PTPRU: variants seen among roughly 807,000 people sequenced by gnomAD.
PTPRU encodes the protein protein tyrosine phosphatase receptor type U.
A neutral mutation model predicts 166.3 loss-of-function variants in PTPRU; 69 were observed. That is an observed-to-expected ratio of 0.41 (90% confidence interval 0.34 to 0.51). The LOEUF (loss-of-function observed/expected upper bound fraction) is 0.51. PTPRU is among the 20% of genes least tolerant of loss of function. The pLI, the probability that PTPRU is intolerant of heterozygous loss-of-function variation, is 0.09. For missense variants in PTPRU, 1,657 were observed against 2,013.7 expected, an observed-to-expected ratio of 0.82 and a Z score of 3.39; for synonymous variants, 793 against 814.0, an observed-to-expected ratio of 0.97 and a Z score of 0.44.
At chr1:29,319,550 C>T (rs1255637854) in intron 25 of PTPRU, among the ~76,000 whole-genome samples, 33 of 152,242 alleles carry the variant, frequency 2.2e-4, no homozygotes, top group Admixed American at 2.2e-3. Flanking sequence ...GCAAGGAGCC[C>T]TGTTGGGCAC....
intron 22 of PTPRU, 112 bp downstream of exon 22, chr1:29,312,818 C>G: frequency 7.4e-7 from 1 of 1,360,196 alleles, no homozygotes; most frequent in Non-Finnish European, 9.8e-7. Flanking sequence ...GGTTCTCCTG[C>G]TTAGAGATGG....
chr1:29,245,290 A>G (rs531085865), intron 1 of PTPRU, among the ~76,000 whole-genome samples: 1 of 152,184 alleles, frequency 6.6e-6, no homozygotes, highest in East Asian at 1.9e-4. Context: ...TTGCCCTTGG[A>G]GAGTCACTGG....
At position 29,279,796 on chromosome 1, in the gene PTPRU, T is replaced by G; in HGVS notation, c.1765+139T>G. On this transcript the variant is annotated intron_variant, in intron 10 of 29. Coordinates refer to ENST00000373779, the MANE Select transcript of PTPRU (RefSeq NM_133178.4). The surrounding 1 kb of genome is among the most constrained non-coding windows in gnomAD (Gnocchi z 5.2). ...TGAGATAAATATGCCATTTAGGAGT[T>G]AAAGTCAGGCTCAGGGAGGATGAAG... 1 of 1,115,950 alleles carries G rather than the reference T, an allele frequency of 9.0e-7. No individual in the cohort carries two copies. Among genetic ancestry groups the G allele is most frequent in the Non-Finnish European group, 1.3e-6 (1 of 776,246 alleles). 69.1% of individuals were successfully genotyped at this position (1,115,950 alleles called of 1,614,324 possible).
rs539146919 is a variant in PTPRU, at chr1:29,311,859, G to A, written c.3072+100G>A. Reference sequence around the variant, plus strand: ...CCCTGGGAGCAGGAGGGTGAGGAGCGCACCACTGCCCATCCCAGCAAGGAA... The same window carrying A: ...CCCTGGGAGCAGGAGGGTGAGGAGCACACCACTGCCCATCCCAGCAAGGAA... On this transcript the variant is annotated intron_variant, in intron 21 of 29. Coordinates refer to ENST00000373779, the MANE Select transcript of PTPRU (RefSeq NM_133178.4). The surrounding 1 kb of genome is among the most constrained non-coding windows in gnomAD (Gnocchi z 4.1). 1.3e-4 allele frequency: 157 copies of A among 1,166,974 alleles called. 5 individuals are homozygous for A. The South Asian group carries it at 2.0e-3, about 15-fold the overall frequency. The allele number at this position is 1,166,974 out of a possible 1,614,324, so 72.3% of individuals were successfully genotyped here.
At chr1:29,248,954 A>C (rs1319151729) in intron 1 of PTPRU, among the ~76,000 whole-genome samples, 1 of 152,208 alleles carries the variant, frequency 6.6e-6, no homozygotes, top group East Asian at 1.9e-4. Flanking sequence ...ACGCAACTGC[A>C]ACCGGTCATC....
At chr1:29,302,404 T>C (rs1042114193) in intron 15 of PTPRU, among the ~76,000 whole-genome samples, 1 of 152,112 alleles carries the variant, frequency 6.6e-6, no homozygotes, top group Non-Finnish European at 1.5e-5. Context: ...AAGCATACAG[T>C]GTTTATAAAG....
intron 5 of PTPRU, 30 bp downstream of exon 5, chr1:29,259,594 G>A: frequency 6.5e-7 from 1 of 1,540,130 alleles, no homozygotes; most frequent in Non-Finnish European, 8.8e-7. Flanking sequence ...TTGGCTGGGG[G>A]CGGGGTGGGA....
At chr1:29,287,954 C>T (rs1245015546) in intron 14 of PTPRU, among the ~76,000 whole-genome samples, 1 of 152,048 alleles carries the variant, frequency 6.6e-6, no homozygotes, top group Non-Finnish European at 1.5e-5. Flanking sequence ...GCTGGGATTA[C>T]AGGCGCCCAC....
chr1:29,262,441 T>G (rs1685110867), intron 7 of PTPRU, among the ~76,000 whole-genome samples: 1 of 152,200 alleles, frequency 6.6e-6, no homozygotes. Flanking sequence ...AACTTGAGGC[T>G]TGAAAAGGTG....
At chr1:29,241,105 C>T (rs1467595146) in intron 1 of PTPRU, among the ~76,000 whole-genome samples, 6 of 152,066 alleles carry the variant, frequency 3.9e-5, no homozygotes, top group Non-Finnish European at 7.4e-5. Context: ...ATCTGGTTAT[C>T]GTGTGGTGTG....
intron 18 of PTPRU, among the ~76,000 whole-genome samples, chr1:29,307,749 CTTTTTTTTTTTTTTT>C (rs201782011): frequency 3.6e-4 from 42 of 117,292 alleles, no homozygotes; most frequent in East Asian, 1.1e-3. Context: ...AAATATTATG[CTTTTTTTTTTTTTTT>C]TTTTTTTTTT....
In PTPRU at chr1:29,311,673, T is replaced by C; in HGVS notation, c.2986T>C (p.Ser996Pro). The C allele has an allele frequency of 6.2e-7, 1 of 1,614,208 alleles. No homozygotes were observed. The highest frequency in any genetic ancestry group is 8.5e-7 in the Non-Finnish European group (1 of 1,180,016). The change falls in exon 21 of 30, where the codon TCA becomes CCA. Residue 996 changes from serine to proline, a missense_variant. Coordinates refer to ENST00000373779, the MANE Select transcript of PTPRU (RefSeq NM_133178.4). This position sits in a 1 kb window ranked among gnomAD's most constrained non-coding sequence, Gnocchi z 4.1. ...VKCSRYWPED[S>P]DTYGDIKIML... ...ATGCTCACGGTACTGGCCGGAGGAC[T>C]CAGACACCTACGGGGACATCAAGAT...
At chr1:29,288,903 C>T (rs1051793389) in intron 14 of PTPRU, among the ~76,000 whole-genome samples, 5 of 152,264 alleles carry the variant, frequency 3.3e-5, no homozygotes, top group African/African-American at 4.8e-5. Flanking sequence ...GGGTGCTTTG[C>T]GGTAAGGTAG....
At chr1:29,283,288 C>T (rs1388782103) in intron 12 of PTPRU, among the ~76,000 whole-genome samples, 1 of 151,610 alleles carries the variant, frequency 6.6e-6, no homozygotes, top group African/African-American at 2.4e-5. Flanking sequence ...ACAGCCCCAC[C>T]TCCCAGAGTC....
chr1:29,314,369 G>A (rs1315324810), intron 22 of PTPRU, among the ~76,000 whole-genome samples: 1 of 152,102 alleles, frequency 6.6e-6, no homozygotes, highest in Non-Finnish European at 1.5e-5. Context: ...AGGGGTATTT[G>A]GGGTATTCAG....
At chr1:29,258,419 G>A (rs1320152490) in intron 2 of PTPRU, 86 bp from the exon 3 acceptor site, 1 of 1,451,916 alleles carries the variant, frequency 6.9e-7, no homozygotes, top group African/African-American at 1.4e-5. Context: ...CCGTTGCCTG[G>A]AGTCCTCCTC....
In PTPRU at chr1:29,315,511, C is replaced by T. The variant is rs760435222; in HGVS notation, c.3363+4C>T. 9.3e-6 allele frequency: 15 copies of T among 1,613,950 alleles called. No homozygotes were observed. Among genetic ancestry groups the T allele is most frequent in the Admixed American group, 1.7e-5 (1 of 60,014 alleles). ...TGTCAACATGATCCAGACTGAGGTG[C>T]GGGGACCTGGCCCTGTCCCCACCAT... On this transcript the variant is annotated splice_donor_region_variant and intron_variant, in intron 23 of 29. Coordinates refer to ENST00000373779, the MANE Select transcript of PTPRU (RefSeq NM_133178.4). The surrounding 1 kb of genome is among the most constrained non-coding windows in gnomAD (Gnocchi z 4.5).
Position 29,260,337 on chromosome 1 carries a change from C to T in PTPRU, c.851-273C>T, listed in dbSNP as rs913528397. The T allele has an allele frequency of 3.4e-5, 16 of 465,318 alleles. No homozygotes were observed. The highest frequency in any genetic ancestry group is 1.5e-5 in the Non-Finnish European group (4 of 271,082). 28.8% of individuals were successfully genotyped at this position (465,318 alleles called of 1,614,324 possible). On this transcript the variant is annotated intron_variant, in intron 6 of 29. Coordinates refer to ENST00000373779, the MANE Select transcript of PTPRU (RefSeq NM_133178.4). This position sits in a 1 kb window ranked among gnomAD's most constrained non-coding sequence, Gnocchi z 8.3. ...TGTTGATCCTAGCTGGCCTGCGGTCCGCTCCAGGAGGCGAGGATGTGGGGG... is the reference window on the plus strand; with the variant it reads ...TGTTGATCCTAGCTGGCCTGCGGTCTGCTCCAGGAGGCGAGGATGTGGGGG...
Position 29,257,321 on chromosome 1 carries a change from T to C in PTPRU, c.206-1184T>C, listed in dbSNP as rs923595153. On this transcript the variant is annotated intron_variant, in intron 2 of 29. Coordinates refer to ENST00000373779, the MANE Select transcript of PTPRU (RefSeq NM_133178.4). The surrounding 1 kb of genome is among the most constrained non-coding windows in gnomAD (Gnocchi z 4.6). Reference sequence around the variant, plus strand: ...TGAGTTTAGTTTACTACTGCCCTGCTGGGACTGATCCAGGAGCCGCCTCCA... The same window carrying C: ...TGAGTTTAGTTTACTACTGCCCTGCCGGGACTGATCCAGGAGCCGCCTCCA... Among the ~76,000 whole-genome samples the C allele has an allele frequency of 6.6e-6, 1 of 152,130 alleles. No homozygotes were observed. The highest frequency in any genetic ancestry group is 1.5e-5 in the Non-Finnish European group (1 of 68,018).
Sources: gnomAD v4.1 joint callset for allele counts (sites outside exome capture counted in the v4.1 genomes callset) on GRCh38, gnomAD v4.1.1 for gene constraint, Gnocchi (gnomAD v3.1) non-coding constraint, MANE v1.5 for transcripts, NCBI Gene and HGNC (gene_info 2026-07-23, HGNC 2026-07-21) for gene names.